DLGAP1: variants seen among roughly 807,000 people sequenced by gnomAD.
DLGAP1 encodes the protein DLG associated protein 1, also known as disks large-associated protein 1.
In DLGAP1, 11 loss-of-function variants were observed where a neutral mutation model predicts 90.8. That is an observed-to-expected ratio of 0.12 (90% CI 0.08 to 0.20). The LOEUF is 0.20. Ranked by LOEUF, DLGAP1 falls within the 10% of genes least tolerant of loss-of-function variation. The pLI is 1.00. For missense variants in DLGAP1, 1,050 were observed against 1,333.8 expected, an observed-to-expected ratio of 0.79 and a Z score of 3.31; for synonymous variants, 558 against 540.7, an observed-to-expected ratio of 1.03 and a Z score of -0.44.
chr18:3,606,107 G>A (rs572900764), intron 7 of DLGAP1, among the ~76,000 whole-genome samples: 1 of 152,220 alleles, frequency 6.6e-6, no homozygotes. Context: ...AAGAATTTTG[G>A]CATCCTGACC....
intron 2 of DLGAP1, among the ~76,000 whole-genome samples, chr18:4,105,009 G>GCA (rs149925595): frequency 1.8e-3 from 271 of 151,870 alleles, no homozygotes; most frequent in Non-Finnish European, 2.9e-3. Flanking sequence ...ATTGAAACAC[G>GCA]CACACACACA....
In DLGAP1 at chr18:4,454,150, G is replaced by C. The variant is rs2320747; in HGVS notation, c.-267+856C>G. On this transcript the variant is annotated intron_variant, in intron 1 of 12. Coordinates refer to ENST00000315677, the MANE Select transcript of DLGAP1 (RefSeq NM_004746.4). This position sits in a 1 kb window ranked among gnomAD's most constrained non-coding sequence, Gnocchi z 4.7. ...GCCTTCCGCAAAAAGCGCAGCAGCC[G>C]AAGTCCTGAAAGCAGGGTCTTCATC... 0.53 allele frequency among the ~76,000 whole-genome samples: 80,169 copies of C among 152,116 alleles called. 21,277 individuals carry two copies. Among genetic ancestry groups the C allele is most frequent in the East Asian group, 0.63 (3,214 of 5,130 alleles).
intron 3 of DLGAP1, among the ~76,000 whole-genome samples, chr18:3,970,029 A>T (rs1414122406): frequency 6.6e-6 from 1 of 152,210 alleles, no homozygotes; most frequent in Admixed American, 6.5e-5. Context: ...GCTTAATACT[A>T]GTGGTAAGTT....
chr18:4,434,534 G>GT (rs1322834834), intron 1 of DLGAP1, among the ~76,000 whole-genome samples: 5 of 152,156 alleles, frequency 3.3e-5, no homozygotes, highest in Admixed American at 3.3e-4. Flanking sequence ...TTTGTACACT[G>GT]TGAGTCTTAC....
chr18:3,725,776 C>A (rs2062149729), intron 7 of DLGAP1, among the ~76,000 whole-genome samples: 1 of 152,134 alleles, frequency 6.6e-6, no homozygotes, highest in Non-Finnish European at 1.5e-5. Flanking sequence ...AGTTCCGTAA[C>A]TTCATCCTTA....
chr18:4,269,562 GC>G (rs1482958138), intron 1 of DLGAP1, among the ~76,000 whole-genome samples: 3 of 151,710 alleles, frequency 2.0e-5, no homozygotes, highest in Non-Finnish European at 4.4e-5. Context: ...CACCGTGTTA[GC>G]CAGGATGGTC....
chr18:3,666,120 T>C (rs544535677), intron 7 of DLGAP1, among the ~76,000 whole-genome samples: 3 of 152,260 alleles, frequency 2.0e-5, no homozygotes, highest in African/African-American at 7.2e-5. Context: ...CCTAACAATG[T>C]GATCCAGGCT....
chr18:4,137,566 C>T (rs182258149), intron 2 of DLGAP1, among the ~76,000 whole-genome samples: 39 of 152,180 alleles, frequency 2.6e-4, no homozygotes, highest in Admixed American at 1.8e-3. Flanking sequence ...TAATGTGATT[C>T]CTCCAGCTTT....
In DLGAP1 at chr18:3,646,904, A is replaced by G. The variant is rs192297719; in HGVS notation, c.1592-64656T>C. Among the ~76,000 whole-genome samples, 894 of 151,912 alleles carry G rather than the reference A, an allele frequency of 5.9e-3. 8 individuals are homozygous for G. Among genetic ancestry groups the G allele is most frequent in the African/African-American group, 0.02 (825 of 41,254 alleles). On this transcript the variant is annotated intron_variant, in intron 7 of 12. Transcript: ENST00000315677. ...CGAACTACTGCACTTCAGCCTGGGCAACAGGGCGAGACTCCATCTCAAAAT... is the reference window on the plus strand; with the variant it reads ...CGAACTACTGCACTTCAGCCTGGGCGACAGGGCGAGACTCCATCTCAAAAT...
intron 2 of DLGAP1, among the ~76,000 whole-genome samples, chr18:4,149,632 C>T (rs1444572096): frequency 6.6e-6 from 1 of 152,214 alleles, no homozygotes; most frequent in African/African-American, 2.4e-5. Context: ...GCATTACGGC[C>T]TGAGCTCTGC....
Position 3,782,919 on chromosome 18 carries a change from A to G in DLGAP1, c.1172+31140T>C, listed in dbSNP as rs141466623. Among the ~76,000 whole-genome samples the G allele has an allele frequency of 2.5e-3, 374 of 152,366 alleles. 2 individuals carry two copies. The highest frequency in any genetic ancestry group is 7.2e-3 in the African/African-American group (301 of 41,584). Reference sequence around the variant, plus strand: ...AAACCATATCTCTGATAAAGAACTTATATCTAGAATATATAAACAACTCCT... The same window carrying G: ...AAACCATATCTCTGATAAAGAACTTGTATCTAGAATATATAAACAACTCCT... On this transcript the variant is annotated intron_variant, in intron 5 of 12. Transcript: ENST00000315677.
In DLGAP1 at chr18:4,348,074, T is replaced by C. The variant is rs1404974026; in HGVS notation, c.-267+106932A>G. On this transcript the variant is annotated intron_variant, in intron 1 of 12. Transcript: ENST00000315677. ...TGGGAAAGAATAGAACTAAGCTAAA[T>C]AACTTTTAGAAAACAGTGTTTTGAC... Among the ~76,000 whole-genome samples the C allele has an allele frequency of 2.0e-5, 3 of 152,100 alleles. No individual in the cohort carries two copies. In the East Asian group the frequency reaches 5.8e-4, roughly 29 times the overall value.
At chr18:3,748,408 G>A (rs892973566) in intron 5 of DLGAP1, among the ~76,000 whole-genome samples, 1 of 152,196 alleles carries the variant, frequency 6.6e-6, no homozygotes, top group African/African-American at 2.4e-5. Context: ...AACTTCAGAT[G>A]GCTGGGATGC....
chr18:4,334,661 G>A (rs938562201), intron 1 of DLGAP1, among the ~76,000 whole-genome samples: 2 of 151,864 alleles, frequency 1.3e-5, no homozygotes, highest in African/African-American at 4.9e-5. Context: ...CAAAATGCAA[G>A]AGAGAGGAGA....
At chr18:3,994,021 G>A (rs1228993898) in intron 3 of DLGAP1, among the ~76,000 whole-genome samples, 1 of 152,112 alleles carries the variant, frequency 6.6e-6, no homozygotes, top group Non-Finnish European at 1.5e-5. Context: ...AAAAAGATAA[G>A]GAGAGAAGAA....
chr18:4,189,596 T>A (rs2077357968), intron 1 of DLGAP1, among the ~76,000 whole-genome samples: 1 of 152,080 alleles, frequency 6.6e-6, no homozygotes, highest in African/African-American at 2.4e-5. Context: ...AAAATTACTA[T>A]ACAGATATAA....
At chr18:3,639,568 A>C (rs1352659027) in intron 7 of DLGAP1, among the ~76,000 whole-genome samples, 1 of 151,774 alleles carries the variant, frequency 6.6e-6, no homozygotes, top group East Asian at 1.9e-4. Context: ...CCATTGGCTT[A>C]AAAGGAATCA....
At chr18:3,898,089 C>T (rs530394882) in intron 3 of DLGAP1, among the ~76,000 whole-genome samples, 33 of 152,292 alleles carry the variant, frequency 2.2e-4, no homozygotes, top group Admixed American at 1.1e-3. Flanking sequence ...CCACTGCGCC[C>T]GGCCGAATTT....
chr18:4,021,862 G>A (rs942865152), intron 2 of DLGAP1, among the ~76,000 whole-genome samples: 7 of 152,174 alleles, frequency 4.6e-5, no homozygotes, highest in African/African-American at 9.7e-5. Flanking sequence ...GCCTCCCAAA[G>A]TGCTGGGATT....
Sources: allele counts gnomAD v4.1 joint callset (sites outside exome capture counted in the v4.1 genomes callset), GRCh38; gene constraint gnomAD v4.1.1; non-coding constraint Gnocchi (gnomAD v3.1); transcripts MANE v1.5; gene names NCBI Gene and HGNC (gene_info 2026-07-23, HGNC 2026-07-21).